Variants in AGBL1 observed in about 807,000 individuals in gnomAD.
The protein encoded by AGBL1 is AGBL carboxypeptidase 1.
In AGBL1, 130 loss-of-function variants were observed where a neutral mutation model predicts 118.9. The ratio of observed to expected loss-of-function variants is 1.09; its 90% CI spans 0.95 to 1.26. The LOEUF (loss-of-function observed/expected upper bound fraction) is 1.26. Among genes scored for constraint, AGBL1 ranks in the 50% most tolerant of loss-of-function variants. The pLI, the probability that AGBL1 is intolerant of heterozygous loss-of-function variation, is 0.00. For synonymous variants in AGBL1, 555 were observed against 478.9 expected (o/e 1.16, Z -2.08); for missense variants, 1,584 against 1,298.1 (o/e 1.22, Z -3.38).
chr15:86,944,125 C>G (rs1382426826), intron 23 of AGBL1, among the ~76,000 whole-genome samples: 2 of 152,114 alleles, frequency 1.3e-5, no homozygotes, highest in African/African-American at 4.8e-5. Flanking sequence ...AATCCCAGCA[C>G]TTTGGGAGGC....
chr15:86,878,393 G>A (rs2079844181), intron 22 of AGBL1, among the ~76,000 whole-genome samples: 2 of 152,158 alleles, frequency 1.3e-5, no homozygotes, highest in Non-Finnish European at 2.9e-5. Flanking sequence ...CAGGCAGTGG[G>A]CCAGATTTAT....
At chr15:86,611,099 T>C (rs1160883065) in intron 21 of AGBL1, among the ~76,000 whole-genome samples, 1 of 152,220 alleles carries the variant, frequency 6.6e-6, no homozygotes, top group Non-Finnish European at 1.5e-5. Flanking sequence ...ACAGGACTTG[T>C]ATCTTGTATC....
At chr15:86,900,795 G>C (rs192213663) in intron 22 of AGBL1, among the ~76,000 whole-genome samples, 1 of 152,126 alleles carries the variant, frequency 6.6e-6, no homozygotes, top group Admixed American at 6.5e-5. Flanking sequence ...CTTCTTTAAA[G>C]CTTTTGATAC....
Position 86,266,889 on chromosome 15 carries a change from G to A in AGBL1, c.1752-101G>A, listed in dbSNP as rs2079082509. On this transcript the variant is annotated intron_variant, in intron 12 of 22. Coordinates refer to ENST00000614907, the MANE Select transcript of AGBL1 (RefSeq NM_001386094.1). ...CACTCCAGCCTGGGCAACAGAGTGA[G>A]ATTCTGTCTCAAAAAAATAATAATG... 9 of 1,039,352 alleles carry A rather than the reference G, an allele frequency of 8.7e-6. No individual in the cohort carries two copies. In the East Asian group the frequency reaches 2.4e-4, roughly 27 times the overall value. The allele number at this position is 1,039,352 out of a possible 1,614,324, so 64.4% of individuals were successfully genotyped here.
intron 22 of AGBL1, among the ~76,000 whole-genome samples, chr15:86,687,044 C>T (rs1286367086): frequency 1.3e-5 from 2 of 152,060 alleles, no homozygotes; most frequent in Non-Finnish European, 2.9e-5. Flanking sequence ...CTTATCCTTG[C>T]ACCGGTCAGG....
At chr15:86,579,648 A>G (rs936782294) in intron 21 of AGBL1, among the ~76,000 whole-genome samples, 11 of 152,220 alleles carry the variant, frequency 7.2e-5, no homozygotes, top group African/African-American at 2.4e-4. Context: ...CAGACACAGT[A>G]AGAATCCATT....
chr15:86,890,149 G>A (rs773176272), intron 22 of AGBL1, among the ~76,000 whole-genome samples: 3 of 152,198 alleles, frequency 2.0e-5, no homozygotes, highest in Non-Finnish European at 4.4e-5. Context: ...AATGATCAGT[G>A]ATGTTGAGCT....
At chr15:86,255,364 AC>A (rs2078878230) in intron 7 of AGBL1, among the ~76,000 whole-genome samples, 1 of 152,176 alleles carries the variant, frequency 6.6e-6, no homozygotes, top group South Asian at 2.1e-4. Flanking sequence ...TTCATTTTCC[AC>A]CAAGAGTATT....
chr15:86,334,212 T>C (rs1394934946), intron 17 of AGBL1, among the ~76,000 whole-genome samples: 1 of 152,010 alleles, frequency 6.6e-6, no homozygotes, highest in Non-Finnish European at 1.5e-5. Context: ...GACATCTAAA[T>C]AGGAAAAAAA....
intron 22 of AGBL1, among the ~76,000 whole-genome samples, chr15:86,767,180 G>A (rs2078108152): frequency 6.6e-6 from 1 of 151,898 alleles, no homozygotes; most frequent in Non-Finnish European, 1.5e-5. Context: ...TTTAAAGAAT[G>A]CAATACTGCT....
intron 22 of AGBL1, among the ~76,000 whole-genome samples, chr15:86,867,308 A>T (rs912244621): frequency 6.6e-6 from 1 of 152,112 alleles, no homozygotes; most frequent in African/African-American, 2.4e-5. Context: ...ATGTGCTGGT[A>T]CTTCAATTTT....
At chr15:86,168,696 A>T (rs894029079) in intron 5 of AGBL1, among the ~76,000 whole-genome samples, 2 of 152,210 alleles carry the variant, frequency 1.3e-5, no homozygotes, top group African/African-American at 4.8e-5. Flanking sequence ...GACTAGAAAA[A>T]GTAAGTCTCA....
chr15:86,213,742 TA>T (rs1479632731), intron 5 of AGBL1, among the ~76,000 whole-genome samples: 1 of 152,212 alleles, frequency 6.6e-6, no homozygotes, highest in Admixed American at 6.5e-5. Context: ...CTCTTTTTGT[TA>T]TTTTTTTATT....
chr15:86,774,463 T>C (rs1455154738), intron 22 of AGBL1, among the ~76,000 whole-genome samples: 6 of 152,146 alleles, frequency 3.9e-5, no homozygotes, highest in Admixed American at 3.9e-4. Context: ...TATTTAGAAT[T>C]TTTCACATAT....
intron 22 of AGBL1, among the ~76,000 whole-genome samples, chr15:86,900,721 A>G (rs1376074674): frequency 6.6e-6 from 1 of 152,120 alleles, no homozygotes; most frequent in Non-Finnish European, 1.5e-5. Flanking sequence ...TGGTATACAA[A>G]ATAAATATCT....
intron 17 of AGBL1, among the ~76,000 whole-genome samples, chr15:86,372,123 C>G: frequency 6.6e-6 from 1 of 152,178 alleles, no homozygotes; most frequent in Non-Finnish European, 1.5e-5. Context: ...TAGGACAGAC[C>G]CTTGCCTTCA....
intron 15 of AGBL1, among the ~76,000 whole-genome samples, chr15:86,274,156 T>C (rs1244505786): frequency 6.6e-6 from 1 of 152,202 alleles, no homozygotes; most frequent in African/African-American, 2.4e-5. Context: ...ATGAAATAAA[T>C]AATAGTTTAT....
At chr15:86,458,509 A>G (rs994244916) in intron 18 of AGBL1, among the ~76,000 whole-genome samples, 2 of 152,188 alleles carry the variant, frequency 1.3e-5, no homozygotes, top group Non-Finnish European at 2.9e-5. Context: ...TCAGTCTGTT[A>G]CATTGTTTCT....
intron 21 of AGBL1, among the ~76,000 whole-genome samples, chr15:86,602,446 C>G (rs550562441): frequency 1.3e-5 from 2 of 152,244 alleles, no homozygotes; most frequent in East Asian, 3.9e-4. Flanking sequence ...ATCCTCATTT[C>G]AAAGAGAGGG....
Sources: allele counts gnomAD v4.1 joint callset (sites outside exome capture counted in the v4.1 genomes callset), GRCh38; gene constraint gnomAD v4.1.1; transcripts MANE v1.5; gene names NCBI Gene and HGNC (gene_info 2026-07-23, HGNC 2026-07-21).